Variants in TMEM161A observed in about 807,000 individuals in gnomAD.
TMEM161A encodes the protein adaptive response to oxidative stress protein 29.
In TMEM161A, 46 loss-of-function variants were observed where a neutral mutation model predicts 57.1. That is an observed-to-expected ratio of 0.81 (90% CI 0.64 to 1.03). The LOEUF is 1.03. Among genes scored for constraint, TMEM161A ranks in the 50% least tolerant of loss-of-function variants. The pLI, the probability that TMEM161A is intolerant of heterozygous loss-of-function variation, is 0.00. For missense variants in TMEM161A, 601 were observed against 621.5 expected, an observed-to-expected ratio of 0.97 and a Z score of 0.35; for synonymous variants, 288 against 279.0, an observed-to-expected ratio of 1.03 and a Z score of -0.32.
rs1568531782 is a variant in TMEM161A, at chr19:19,119,896, CAG to C, written c.*32_*33del. 1.9e-6 allele frequency: 3 copies of C among 1,546,012 alleles called. No homozygotes were observed. The Admixed American group carries it at 5.9e-5, about 30-fold the overall frequency. ...GGCTAGTGTCCCGCTGCCCCAGGAA[CAG>C]ACCTCAGGGCCCCAGGAGGGTCTGC... On this transcript the variant is annotated 3_prime_UTR_variant, in exon 12 of 12. Coordinates refer to ENST00000162044, the MANE Select transcript of TMEM161A (RefSeq NM_017814.3).
chr19:19,121,627 A>G lies in TMEM161A; in HGVS notation c.698T>C (p.Val233Ala). The G allele has an allele frequency of 1.2e-6, 2 of 1,613,944 alleles. No individual in the cohort carries two copies. The highest frequency in any genetic ancestry group is 1.7e-5 in the Admixed American group (1 of 60,018). Residue 233 changes from valine (V) to alanine (A), a missense_variant, in exon 8 of 12, where the codon GTG becomes GCG. Physicochemically the swap from Val to Ala is moderately conservative, Grantham distance 64. Transcript: ENST00000162044. This position sits in a 1 kb window ranked among gnomAD's most constrained non-coding sequence, Gnocchi z 5.8. Reference sequence around the variant, plus strand: ...GAAGGCACCCAGCACAGAGCCCACCACTGCCAGTCCCACGCGGATAGCCAG... The same window carrying G: ...GAAGGCACCCAGCACAGAGCCCACCGCTGCCAGTCCCACGCGGATAGCCAG... ...AKLAIRVGLA[V>A]VGSVLGAFLT...
At chr19:19,129,924 A>G (rs2059949212) in intron 6 of TMEM161A, among the ~76,000 whole-genome samples, 1 of 152,156 alleles carries the variant, frequency 6.6e-6, no homozygotes, top group Non-Finnish European at 1.5e-5. Flanking sequence ...AAGAAAAAAA[A>G]AGAGCTATAG....
In TMEM161A at chr19:19,119,770, G is replaced by A. The variant is rs1388179650; in HGVS notation, c.*160C>T. The A allele has an allele frequency of 5.6e-6, 5 of 898,896 alleles. No individual in the cohort carries two copies. Among genetic ancestry groups the A allele is most frequent in the East Asian group, 2.7e-5 (1 of 37,516 alleles). The allele number at this position is 898,896 out of a possible 1,614,324, so 55.7% of individuals were successfully genotyped here. A position where few individuals can be genotyped will look rare whatever the true frequency, so the allele number is the denominator to read the frequency against. On this transcript the variant is annotated 3_prime_UTR_variant, in exon 12 of 12. Coordinates refer to ENST00000162044, the MANE Select transcript of TMEM161A (RefSeq NM_017814.3). ...GACAGTTCTGAGGCAGAAACTCGGC[G>A]TCCAAGGGGGGCCGCGGGTCAGGCA... is the stretch of plus-strand genomic sequence containing the variant.
chr19:19,120,670 C>A, intron 11 of TMEM161A, 95 bp downstream of exon 11: 2 of 1,137,912 alleles, frequency 1.8e-6, no homozygotes, highest in South Asian at 2.6e-5. Context: ...GGCCCCGCCT[C>A]TCCCCCCCCA....
At chr19:19,120,941 C>A in intron 10 of TMEM161A, 51 bp downstream of exon 10, 2 of 1,609,616 alleles carry the variant, frequency 1.2e-6, no homozygotes, top group Non-Finnish European at 1.7e-6. Flanking sequence ...ACCAGGAACC[C>A]CACCCTGAGC....
At chr19:19,138,274 G>A (rs558281961) in intron 1 of TMEM161A, 152 bp downstream of exon 1, 8 of 1,149,752 alleles carry the variant, frequency 7.0e-6, no homozygotes, top group Non-Finnish European at 1.0e-5. Flanking sequence ...GGCTCCCAGA[G>A]AGGGACACAC....
In TMEM161A at chr19:19,130,153, T is replaced by G; in HGVS notation, c.595+3A>C. 3 of 1,612,970 alleles carry G rather than the reference T, an allele frequency of 1.9e-6. No individual in the cohort carries two copies. Among genetic ancestry groups the G allele is most frequent in the Non-Finnish European group, 2.5e-6 (3 of 1,180,016 alleles). ...GTGGCCCCACGTTGGGGGCTGCACT[T>G]ACCAGGCTCCAGGCCCAGCTCGAGG... On this transcript the variant is annotated splice_donor_region_variant and intron_variant, in intron 6 of 11. Transcript: ENST00000162044.
chr19:19,121,790 G>T lies in TMEM161A; in HGVS notation c.625C>A (p.Pro209Thr). 1 of 1,613,998 alleles carries T rather than the reference G, an allele frequency of 6.2e-7. No homozygotes were observed. The highest frequency in any genetic ancestry group is 8.5e-7 in the Non-Finnish European group (1 of 1,179,986). ...GLASMTQNLE[P>T]LLKKQGWDWA... ...TCCCAGCCCTGCTTCTTCAGAAGTG[G>T]CTCTAAGTTCTGGGTCATGCTGGCC... Residue 209 changes from proline to threonine, a missense_variant, in exon 7 of 12, where the codon CCA (proline) becomes ACA (threonine). Coordinates refer to ENST00000162044, the MANE Select transcript of TMEM161A (RefSeq NM_017814.3). The surrounding 1 kb of genome is among the most constrained non-coding windows in gnomAD (Gnocchi z 5.8).
chr19:19,120,684 C>A, intron 11 of TMEM161A, 81 bp downstream of exon 11: 1 of 1,339,448 alleles, frequency 7.5e-7, no homozygotes, highest in Non-Finnish European at 1.0e-6. Flanking sequence ...CCCCCCACCG[C>A]GGTCCCCGCC....
intron 6 of TMEM161A, among the ~76,000 whole-genome samples, chr19:19,122,217 A>T (rs193257860): frequency 1.6e-4 from 24 of 152,260 alleles, no homozygotes; most frequent in Non-Finnish European, 7.4e-5. Flanking sequence ...TCGCTTGAAC[A>T]TGGGGAGCGG....
chr19:19,134,859 G>A lies in TMEM161A; in HGVS notation c.32C>T (p.Thr11Ile), dbSNP rs1237789738. The change falls in exon 2 of 12, where the codon ACC becomes ATC. Residue 11 changes from threonine to isoleucine, a missense_variant. Coordinates refer to ENST00000162044, the MANE Select transcript of TMEM161A (RefSeq NM_017814.3). ...GTGCATGAGGGTGGCAGTGAGCAGGGTCACCACCAGCTGTACTCCGAGGAC... is the reference window on the plus strand; with the variant it reads ...GTGCATGAGGGTGGCAGTGAGCAGGATCACCACCAGCTGTACTCCGAGGAC... MAVLGVQLVV[T>I]LLTATLMHRL... 6.3e-7 allele frequency: 1 copy of A among 1,597,344 alleles called. No individual in the cohort carries two copies. Among genetic ancestry groups the A allele is most frequent in the Non-Finnish European group, 8.5e-7 (1 of 1,172,624 alleles).
intron 6 of TMEM161A, among the ~76,000 whole-genome samples, chr19:19,122,063 C>G (rs1433838009): frequency 6.6e-6 from 1 of 152,172 alleles, no homozygotes; most frequent in African/African-American, 2.4e-5. Flanking sequence ...GAGGCTGAGG[C>G]AGGCGGATCA....
intron 6 of TMEM161A, among the ~76,000 whole-genome samples, chr19:19,129,254 T>C (rs1181010601): frequency 2.6e-5 from 4 of 152,204 alleles, no homozygotes; most frequent in Admixed American, 6.5e-5. Context: ...TGCTTTATAA[T>C]TGACATACAC....
At chr19:19,128,434 G>A (rs1055286615) in intron 6 of TMEM161A, among the ~76,000 whole-genome samples, 2 of 151,240 alleles carry the variant, frequency 1.3e-5, no homozygotes, top group African/African-American at 4.9e-5. Context: ...GTTTCACCAT[G>A]TTAGCCAGGA....
chr19:19,125,756 T>C (rs1360214172), intron 6 of TMEM161A, among the ~76,000 whole-genome samples: 1 of 151,960 alleles, frequency 6.6e-6, no homozygotes, highest in Non-Finnish European at 1.5e-5. Flanking sequence ...GACCTCGTGA[T>C]GTGCCCATCT....
In TMEM161A at chr19:19,121,133, G is replaced by A; in HGVS notation, c.948C>T (p.Leu316=). The A allele has an allele frequency of 6.2e-7, 1 of 1,610,418 alleles. No homozygotes were observed. The highest frequency in any genetic ancestry group is 8.5e-7 in the Non-Finnish European group (1 of 1,178,756). ...LSDSAFDSGR[L]WLLVVLCLLR... is the part of the protein sequence containing the mutation. ...GCAGGCACAGCACCACCAGCAACCAGAGGCGCCCAGAGTCGAAGGCAGAAT... is the reference window on the plus strand; with the variant it reads ...GCAGGCACAGCACCACCAGCAACCAAAGGCGCCCAGAGTCGAAGGCAGAAT... Residue 316 remains leucine, a synonymous_variant, in exon 10 of 12, where the codon CTC becomes CTT. Transcript: ENST00000162044. The surrounding 1 kb of genome is among the most constrained non-coding windows in gnomAD (Gnocchi z 5.8).
At chr19:19,135,187 C>A (rs951190078) in intron 1 of TMEM161A, among the ~76,000 whole-genome samples, 3 of 152,176 alleles carry the variant, frequency 2.0e-5, no homozygotes, top group African/African-American at 7.2e-5. Flanking sequence ...ATTAATTTCC[C>A]GGAGTCTCAG....
At chr19:19,138,383 C>G (rs536550405) in intron 1 of TMEM161A, 43 bp downstream of exon 1, 87 of 1,592,402 alleles carry the variant, frequency 5.5e-5, no homozygotes, top group Admixed American at 1.2e-4. Context: ...TCGGCTGGAC[C>G]TCGGCCCTGC....
At chr19:19,138,168 G>A (rs2059992537) in intron 1 of TMEM161A, among the ~76,000 whole-genome samples, 1 of 152,286 alleles carries the variant, frequency 6.6e-6, no homozygotes, top group South Asian at 2.1e-4. Context: ...ACCCCTAAAA[G>A]GTCTCGAGGG....
Sources: allele counts gnomAD v4.1 joint callset (sites outside exome capture counted in the v4.1 genomes callset), GRCh38; gene constraint gnomAD v4.1.1; non-coding constraint Gnocchi (gnomAD v3.1); transcripts MANE v1.5; gene names NCBI Gene and HGNC (gene_info 2026-07-23, HGNC 2026-07-21).